The following CPSF3 variants were observed in gnomAD, a reference collection of about 807,000 sequenced individuals.
The protein encoded by CPSF3 is cleavage and polyadenylation specificity factor subunit 3.
Under a neutral mutation model 84.1 loss-of-function variants are expected in CPSF3, and 57 were observed. That is an observed-to-expected ratio of 0.68 (90% CI 0.55 to 0.85). The LOEUF is 0.85. Among genes scored for constraint, CPSF3 ranks in the 40% least tolerant of loss-of-function variants. CPSF3 has a pLI of 0.00. For missense variants in CPSF3, 522 were observed against 838.8 expected (o/e 0.62, Z 4.66); for synonymous variants, 275 against 278.1 (o/e 0.99, Z 0.11).
chr2:9,472,847 T>C, intron 17 of CPSF3, 69 bp from the exon 18 acceptor site: 1 of 1,048,874 alleles, frequency 9.5e-7, no homozygotes, highest in Non-Finnish European at 1.5e-6. Context: ...TTTTAAAGAG[T>C]ATTCATTTAT....
chr2:9,457,147 ATGTGTGTGTGTGTGTGTGTGTGTGTG>A lies in CPSF3; in HGVS notation c.1698+139_1698+164del, dbSNP rs70948817. 1.2e-5 allele frequency: 4 copies of A among 333,928 alleles called. No homozygotes were observed. The East Asian group carries it at 2.3e-4, about 20-fold the overall frequency. The allele number at this position is 333,928 out of a possible 1,614,324, so 20.7% of individuals were successfully genotyped here. ...GAAAAAGAATATTGTTGGAAAGTAT[ATGTGTGTGTGTGTGTGTGTGTGTGTG>A]TGTGTGTGTGTGTGTGTGGTTTTAA... On this transcript the variant is annotated intron_variant, in intron 14 of 17. Coordinates refer to ENST00000238112, the MANE Select transcript of CPSF3 (RefSeq NM_016207.4).
At chr2:9,437,954 A>G (rs1289892461) in intron 7 of CPSF3, among the ~76,000 whole-genome samples, 1 of 152,238 alleles carries the variant, frequency 6.6e-6, no homozygotes, top group Non-Finnish European at 1.5e-5. Flanking sequence ...GTGAGCCAAG[A>G]TTGTGCCACT....
At chr2:9,453,843 A>G (rs1413356196) in intron 12 of CPSF3, among the ~76,000 whole-genome samples, 1 of 152,110 alleles carries the variant, frequency 6.6e-6, no homozygotes, top group Non-Finnish European at 1.5e-5. Context: ...GTGAGCTGAG[A>G]TAATGCCACT....
At chr2:9,463,362 G>T (rs1253557211) in intron 15 of CPSF3, among the ~76,000 whole-genome samples, 3 of 152,218 alleles carry the variant, frequency 2.0e-5, no homozygotes, top group Non-Finnish European at 4.4e-5. Flanking sequence ...CATCCAGGTG[G>T]CAGACAGTGG....
chr2:9,469,677 A>G (rs1682096100), intron 16 of CPSF3, among the ~76,000 whole-genome samples: 1 of 152,036 alleles, frequency 6.6e-6, no homozygotes, highest in African/African-American at 2.4e-5. Context: ...ACACACCAGA[A>G]CTATTCAACT....
rs962255917 is a variant in CPSF3, at chr2:9,430,740, T to C, written c.213-12T>C. ...TAATTTTAAGAATTAATGCAGCCTC[T>C]TTCTTTTTAAGTTTCCATTTGGATC... On this transcript the variant is annotated splice_polypyrimidine_tract_variant and intron_variant, in intron 3 of 17. Transcript: ENST00000238112. 6 of 1,597,530 alleles carry C rather than the reference T, an allele frequency of 3.8e-6. No individual in the cohort carries two copies. Among genetic ancestry groups the C allele is most frequent in the African/African-American group, 1.4e-5 (1 of 73,650 alleles).
chr2:9,449,301 A>G (rs1253766540), intron 11 of CPSF3, among the ~76,000 whole-genome samples: 1 of 151,902 alleles, frequency 6.6e-6, no homozygotes, highest in Non-Finnish European at 1.5e-5. Flanking sequence ...GAGGCGGGAG[A>G]ATCCCTTGAA....
intron 16 of CPSF3, among the ~76,000 whole-genome samples, chr2:9,470,176 C>T (rs143638109): frequency 6.6e-6 from 1 of 152,286 alleles, no homozygotes; most frequent in African/African-American, 2.4e-5. Flanking sequence ...GGGCCGAGAT[C>T]GGGACACTGC....
chr2:9,424,601 C>A (rs953626600), intron 1 of CPSF3: 1 of 152,224 alleles, frequency 6.6e-6, no homozygotes, highest in African/African-American at 2.4e-5. Flanking sequence ...AAAGTATCTC[C>A]TTTACACAAT....
intron 10 of CPSF3, among the ~76,000 whole-genome samples, chr2:9,444,048 A>G (rs1681042026): frequency 6.6e-6 from 1 of 151,832 alleles, no homozygotes; most frequent in South Asian, 2.1e-4. Context: ...TAGGAATAAT[A>G]GCTCATAAGG....
intron 10 of CPSF3, among the ~76,000 whole-genome samples, chr2:9,446,176 T>C (rs1681117940): frequency 6.6e-6 from 1 of 152,210 alleles, no homozygotes; most frequent in Non-Finnish European, 1.5e-5. Context: ...ACAATCTATC[T>C]TGGCCGGGCT....
intron 10 of CPSF3, among the ~76,000 whole-genome samples, chr2:9,447,815 A>C (rs983794814): frequency 4.6e-5 from 7 of 152,110 alleles, no homozygotes; most frequent in African/African-American, 1.7e-4. Context: ...GTGTTTTCTA[A>C]GACAGTAGGG....
In CPSF3 at chr2:9,449,620, T is replaced by C. The variant is rs147700343; in HGVS notation, c.1395+1270T>C. On this transcript the variant is annotated intron_variant, in intron 11 of 17. Transcript: ENST00000238112. The stretch of plus-strand genomic sequence containing the variant: ...AGCTGGGTGCAGTGGCATGCTCCTG[T>C]AGTCCCAACTACCTGGGAGGCTGAG... Among the ~76,000 whole-genome samples the C allele has an allele frequency of 3.4e-3, 508 of 151,618 alleles. 1 individual carries two copies. The highest frequency in any genetic ancestry group is 0.012 in the African/African-American group (482 of 41,000).
chr2:9,454,824 G>A (rs1032419744), intron 12 of CPSF3, among the ~76,000 whole-genome samples: 5 of 151,838 alleles, frequency 3.3e-5, no homozygotes, highest in Admixed American at 1.3e-4. Flanking sequence ...GATTACAGGC[G>A]TGAGCCACTG....
chr2:9,449,061 G>A (rs541130782), intron 11 of CPSF3, among the ~76,000 whole-genome samples: 11 of 151,680 alleles, frequency 7.3e-5, no homozygotes, highest in Non-Finnish European at 1.3e-4. Context: ...TAGATATGAT[G>A]GAATATATGA....
intron 11 of CPSF3, among the ~76,000 whole-genome samples, chr2:9,450,060 A>G (rs1452935660): frequency 6.6e-6 from 1 of 151,572 alleles, no homozygotes; most frequent in Non-Finnish European, 1.5e-5. Context: ...GCAGTGGTGC[A>G]TTCATGACTT....
intron 15 of CPSF3, among the ~76,000 whole-genome samples, chr2:9,465,561 ACACGCG>A (rs1449228038): frequency 8.8e-5 from 12 of 136,892 alleles, no homozygotes; most frequent in Admixed American, 1.4e-4. Flanking sequence ...ACACACACAC[ACACGCG>A]CGCGCGTTTA....
In CPSF3 at chr2:9,448,230, C is replaced by T. The variant is rs146235601; in HGVS notation, c.1275C>T (p.Ala425=). The change falls in exon 11 of 18, where the codon GCC becomes GCT. Residue 425 remains alanine (A), a synonymous_variant. Transcript: ENST00000238112. ...TCCATGGAGAACAGAATGAAATGGC[C>T]AGATTGAAAGCAGCACTGATTCGAG... The part of the protein sequence containing the change: ...ILVHGEQNEM[A]RLKAALIREY... 2 of 1,609,196 alleles carry T rather than the reference C, an allele frequency of 1.2e-6. No homozygotes were observed. The highest frequency in any genetic ancestry group is 3.3e-5 in the Admixed American group (2 of 59,828).
rs560699604 is a variant in CPSF3 at position 9,471,488 on chromosome 2, G to C, written c.1953+49G>C. ...TTTCAAGACATTTGGGAAATAAAGT[G>C]AAGGCATAAATAATCTGTGCTCTCA... On this transcript the variant is annotated intron_variant, in intron 17 of 17. Coordinates refer to ENST00000238112, the MANE Select transcript of CPSF3 (RefSeq NM_016207.4). The C allele has an allele frequency of 2.3e-4, 265 of 1,128,600 alleles. 2 individuals carry two copies. In the South Asian group the frequency reaches 3.2e-3, roughly 14 times the overall value. 69.9% of individuals were successfully genotyped at this position (1,128,600 alleles called of 1,614,324 possible).
Sources: gnomAD v4.1 joint callset for allele counts (sites outside exome capture counted in the v4.1 genomes callset) on GRCh38, gnomAD v4.1.1 for gene constraint, MANE v1.5 for transcripts, NCBI Gene and HGNC (gene_info 2026-07-23, HGNC 2026-07-21) for gene names.